Variants in VWF observed in about 807,000 individuals in gnomAD.
The protein encoded by VWF is von Willebrand factor.
Under a neutral mutation model 308.6 loss-of-function variants are expected in VWF, and 176 were observed. The observed-to-expected ratio is 0.57, with a 90% CI of 0.50 to 0.65. The LOEUF (loss-of-function observed/expected upper bound fraction) is 0.65, where lower values mean the gene tolerates loss of function less well. Among genes scored for constraint, VWF ranks in the 30% least tolerant of loss-of-function variants. The pLI, the probability that VWF is intolerant of heterozygous loss-of-function variation, is 0.00. For missense variants in VWF, 3,146 were observed against 3,648.2 expected, an observed-to-expected ratio of 0.86 and a Z score of 3.55; for synonymous variants, 1,385 against 1,443.4, an observed-to-expected ratio of 0.96 and a Z score of 0.92.
At chr12:6,022,377 G>A (rs922202379) in intron 26 of VWF, among the ~76,000 whole-genome samples, 5 of 152,052 alleles carry the variant, frequency 3.3e-5, no homozygotes, top group East Asian at 1.9e-4. Flanking sequence ...CACAAACTGC[G>A]TGTGGCTATT....
intron 6 of VWF, among the ~76,000 whole-genome samples, chr12:6,084,461 CATCTTA>C (rs1219147013): frequency 6.6e-6 from 1 of 152,166 alleles, no homozygotes; most frequent in African/African-American, 2.4e-5. Context: ...AATTGTGGCC[CATCTTA>C]ATCACATTTC....
intron 38 of VWF, among the ~76,000 whole-genome samples, chr12:5,986,938 TTTG>T: frequency 6.6e-6 from 1 of 152,124 alleles, no homozygotes; most frequent in South Asian, 2.1e-4. Flanking sequence ...TGTTTGTTTG[TTTG>T]TTTTGAGACA....
At chr12:6,032,546 G>A (rs1467769846) in intron 20 of VWF, among the ~76,000 whole-genome samples, 6 of 151,284 alleles carry the variant, frequency 4.0e-5, no homozygotes, top group Admixed American at 2.6e-4. Context: ...GCCGAGGCAG[G>A]AGAATGGCAT....
At chr12:6,048,271 G>C (rs933819305) in intron 16 of VWF, among the ~76,000 whole-genome samples, 2 of 151,490 alleles carry the variant, frequency 1.3e-5, no homozygotes, top group African/African-American at 2.4e-5. Context: ...TGGTTCAAGC[G>C]ATTCTCCTGC....
chr12:6,023,534 G>A (rs1034043101), intron 25 of VWF, 97 bp downstream of exon 25: 37 of 1,530,604 alleles, frequency 2.4e-5, no homozygotes, highest in East Asian at 4.6e-5. Context: ...GTCTTCTCTC[G>A]CCCATGAAGA....
At chr12:6,031,943 C>A (rs960681446) in intron 20 of VWF, among the ~76,000 whole-genome samples, 1 of 152,154 alleles carries the variant, frequency 6.6e-6, no homozygotes, top group Admixed American at 6.5e-5. Flanking sequence ...AGAGTCCCAC[C>A]CAGGTAACTG....
chr12:6,104,441 A>G (rs1945218040), intron 5 of VWF, among the ~76,000 whole-genome samples: 1 of 151,886 alleles, frequency 6.6e-6, no homozygotes, highest in Non-Finnish European at 1.5e-5. Context: ...TAATCCCAGC[A>G]CTTTGGGAGG....
intron 19 of VWF, among the ~76,000 whole-genome samples, chr12:6,035,916 T>C (rs1204223597): frequency 6.6e-6 from 1 of 152,262 alleles, no homozygotes; most frequent in African/African-American, 2.4e-5. Flanking sequence ...GATGGTTCAA[T>C]GTACACAAAA....
At chr12:5,978,381 G>A (rs1182863503) in intron 42 of VWF, among the ~76,000 whole-genome samples, 1 of 152,184 alleles carries the variant, frequency 6.6e-6, no homozygotes, top group Non-Finnish European at 1.5e-5. Flanking sequence ...TCCTGCTTCA[G>A]CCTACAGAGT....
In VWF at chr12:5,976,092, C is replaced by G. The variant is rs781730061; in HGVS notation, c.7437+19G>C. On this transcript the variant is annotated intron_variant, in intron 43 of 51. Transcript: ENST00000261405. ...CCGCTCTGATAGCTGCAGGCATGCCCAGCCCCTGCCCCACTCACCGACCGA... is the reference window on the plus strand; with the variant it reads ...CCGCTCTGATAGCTGCAGGCATGCCGAGCCCCTGCCCCACTCACCGACCGA... The G allele has an allele frequency of 6.2e-7, 1 of 1,613,432 alleles. No individual in the cohort carries two copies. Among genetic ancestry groups the G allele is most frequent in the South Asian group, 1.1e-5 (1 of 91,060 alleles).
intron 6 of VWF, among the ~76,000 whole-genome samples, chr12:6,094,634 G>T (rs1945084733): frequency 6.6e-6 from 1 of 152,184 alleles, no homozygotes; most frequent in Non-Finnish European, 1.5e-5. Context: ...AGGAAGTGAT[G>T]AAGTCCTGAG....
At chr12:6,070,601 G>A (rs926707799) in intron 10 of VWF, among the ~76,000 whole-genome samples, 4 of 152,250 alleles carry the variant, frequency 2.6e-5, no homozygotes, top group African/African-American at 9.6e-5. Context: ...ACCGGAAAGT[G>A]TTTAGCACAG....
At chr12:5,993,577 T>C (rs1406473307) in intron 37 of VWF, among the ~76,000 whole-genome samples, 1 of 151,860 alleles carries the variant, frequency 6.6e-6, no homozygotes, top group African/African-American at 2.4e-5. Context: ...GACCATGCAT[T>C]AATTTACATA....
rs1236558845 is a variant in VWF at position 6,018,776 on chromosome 12, C to T, written c.4642G>A (p.Val1548Met). ...TVLQYSYMVT[V>M]EYPFSEAQSK... ...TGTGCCTCGCTGAAGGGGTACTCCA[C>T]AGTCACCATGTAGGAGTACTGCAGC... The change falls in exon 28 of 52, where the codon GTG becomes ATG. Residue 1548 changes from valine to methionine, a missense_variant. By Grantham distance (21) the Val-to-Met change is conservative. This residue lies in a region of VWF where 853 missense variants were observed against 1,177.8 expected (regional missense o/e 0.72). Transcript: ENST00000261405. 7 of 1,613,356 alleles carry T rather than the reference C, an allele frequency of 4.3e-6. No homozygotes were observed. Among genetic ancestry groups the T allele is most frequent in the Admixed American group, 1.7e-5 (1 of 59,986 alleles).
At chr12:6,078,222 T>C (rs74480770) in intron 6 of VWF, among the ~76,000 whole-genome samples, 2,128 of 152,306 alleles carry the variant, frequency 0.014, 58 homozygotes, top group African/African-American at 0.049. Context: ...CATTATCACT[T>C]CCTAGTATCT....
intron 44 of VWF, among the ~76,000 whole-genome samples, chr12:5,970,165 G>T (rs1943455412): frequency 6.6e-6 from 1 of 152,094 alleles, no homozygotes; most frequent in Non-Finnish European, 1.5e-5. Flanking sequence ...TCCCACTGCA[G>T]GCCTGATTCC....
chr12:5,972,703 G>T (rs1178003928), intron 43 of VWF, among the ~76,000 whole-genome samples: 1 of 152,190 alleles, frequency 6.6e-6, no homozygotes, highest in African/African-American at 2.4e-5. Flanking sequence ...TGTGCAGTGA[G>T]CTGTCTCCAG....
intron 34 of VWF, among the ~76,000 whole-genome samples, chr12:6,000,664 T>C (rs1476620289): frequency 6.6e-6 from 1 of 150,718 alleles, no homozygotes; most frequent in Admixed American, 6.6e-5. Context: ...TACGAAAAAT[T>C]AGCCAGGCGT....
At chr12:5,971,768 T>C in intron 43 of VWF, 59 bp from the exon 44 acceptor site, 3 of 1,416,114 alleles carry the variant, frequency 2.1e-6, no homozygotes, top group Non-Finnish European at 3.0e-6. Context: ...CAGGGGCTCT[T>C]ACCTACGCCT....
Sources: allele counts gnomAD v4.1 joint callset (sites outside exome capture counted in the v4.1 genomes callset), GRCh38; gene constraint gnomAD v4.1.1; regional missense constraint gnomAD v4.1.1; transcripts MANE v1.5; gene names NCBI Gene and HGNC (gene_info 2026-07-23, HGNC 2026-07-21).